Variants in CRACD observed in about 807,000 individuals in gnomAD.
CRACD encodes the protein capping protein-inhibiting regulator of actin dynamics.
CRACD carries 56 observed loss-of-function variants against 106.8 expected under a neutral mutation model. The ratio of observed to expected loss-of-function variants is 0.52; its 90% CI spans 0.42 to 0.66. The LOEUF is 0.66. Ranked by LOEUF, CRACD falls within the 30% of genes least tolerant of loss-of-function variation. CRACD has a pLI of 0.00. For synonymous variants in CRACD, 754 were observed against 670.8 expected, an observed-to-expected ratio of 1.12 and a Z score of -1.92; for missense variants, 1,730 against 1,623.2, an observed-to-expected ratio of 1.07 and a Z score of -1.13.
chr4:56,160,004 C>T (rs1577701334), intron 1 of CRACD, among the ~76,000 whole-genome samples: 1 of 151,892 alleles, frequency 6.6e-6, no homozygotes, highest in African/African-American at 2.4e-5. Context: ...TGGTCTTGAA[C>T]TCCCAACCTC....
intron 2 of CRACD, among the ~76,000 whole-genome samples, chr4:56,211,152 G>T (rs1012098896): frequency 2.6e-5 from 4 of 152,176 alleles, no homozygotes; most frequent in African/African-American, 9.7e-5. Flanking sequence ...ATGACCTTTA[G>T]TAAGATTTTG....
chr4:56,080,085 A>G (rs1413357190), intron 1 of CRACD, among the ~76,000 whole-genome samples: 1 of 152,206 alleles, frequency 6.6e-6, no homozygotes, highest in African/African-American at 2.4e-5. Context: ...GCTTATGTCC[A>G]TAATCCCAAC....
intron 1 of CRACD, among the ~76,000 whole-genome samples, chr4:56,093,468 A>G (rs1427911810): frequency 6.6e-6 from 1 of 152,188 alleles, no homozygotes; most frequent in African/African-American, 2.4e-5. Context: ...CCGTTTTACA[A>G]ATAGAGATGT....
chr4:56,113,069 T>A (rs1468124989), intron 1 of CRACD, among the ~76,000 whole-genome samples: 1 of 152,238 alleles, frequency 6.6e-6, no homozygotes, highest in Admixed American at 6.5e-5. Context: ...ACCACTGTAC[T>A]GAGGTCAGTG....
Position 56,307,654 on chromosome 4 carries a change from A to G in CRACD, c.240A>G (p.Glu80=). The G allele has an allele frequency of 6.2e-7, 1 of 1,614,188 alleles. No individual in the cohort carries two copies. Among genetic ancestry groups the G allele is most frequent in the South Asian group, 1.1e-5 (1 of 91,076 alleles). The part of the protein sequence containing the change: ...EEDLFLTSPM[E]IVTQQDIVLS... ...ATCTGTTCCTGACCAGTCCCATGGAAATTGTGACTCAGCAGGACATCGTCC... is the reference window on the plus strand; with the variant it reads ...ATCTGTTCCTGACCAGTCCCATGGAGATTGTGACTCAGCAGGACATCGTCC... The change falls in exon 5 of 11, where the codon GAA becomes GAG. Residue 80 remains glutamate, a synonymous_variant. Transcript: ENST00000682029.
intron 1 of CRACD, among the ~76,000 whole-genome samples, chr4:56,097,843 T>C (rs1449460957): frequency 4.6e-5 from 7 of 152,162 alleles, no homozygotes; most frequent in Non-Finnish European, 2.9e-5. Context: ...TTCAGAGAAG[T>C]AGCATTTTCA....
Position 56,314,834 on chromosome 4 carries a change from C to T in CRACD, c.1332C>T (p.His444=), listed in dbSNP as rs1326677575. ...TGAAACCCGAAGGACAAAGAGAACA[C>T]TCCGAGGAGCCAGGTATTTGCGAGG... ...ERLKPEGQRE[H]SEEPGICEEQ... is the part of the protein sequence containing the mutation. Residue 444 remains histidine, a synonymous_variant, in exon 8 of 11, where the codon CAC becomes CAT. Transcript: ENST00000682029. The surrounding 1 kb of genome is among the most constrained non-coding windows in gnomAD (Gnocchi z 4.4). 1.2e-6 allele frequency: 2 copies of T among 1,611,144 alleles called. No individual in the cohort carries two copies. Among genetic ancestry groups the T allele is most frequent in the Admixed American group, 1.7e-5 (1 of 59,586 alleles).
At chr4:56,175,855 C>G (rs1421067624) in intron 1 of CRACD, among the ~76,000 whole-genome samples, 1 of 152,162 alleles carries the variant, frequency 6.6e-6, no homozygotes, top group South Asian at 2.1e-4. Flanking sequence ...ATAACTTTGT[C>G]CAGGCCAATG....
At chr4:56,192,612 T>C (rs565696139) in intron 2 of CRACD, among the ~76,000 whole-genome samples, 3 of 151,930 alleles carry the variant, frequency 2.0e-5, no homozygotes, top group African/African-American at 4.8e-5. Flanking sequence ...GACCAAGAGA[T>C]AGAAAAAGGA....
chr4:56,116,505 C>G (rs1207447213), intron 1 of CRACD, among the ~76,000 whole-genome samples: 3 of 152,160 alleles, frequency 2.0e-5, no homozygotes, highest in South Asian at 2.1e-4. Context: ...ATAGAGGGAT[C>G]TGTGCTTCAT....
chr4:56,067,725 G>A (rs917734903), intron 1 of CRACD, among the ~76,000 whole-genome samples: 4 of 152,056 alleles, frequency 2.6e-5, no homozygotes, highest in South Asian at 2.1e-4. Flanking sequence ...ACAGGAGTGC[G>A]CCACCATGTC....
chr4:56,307,390 A>G, intron 4 of CRACD, 145 bp from the exon 5 acceptor site: 2 of 641,510 alleles, frequency 3.1e-6, no homozygotes. Context: ...GGATGGCATC[A>G]TGGTTTCCTG....
rs748479419 is a variant in CRACD, at chr4:56,316,539, C to G, written c.3037C>G (p.Arg1013Gly). The G allele has an allele frequency of 6.2e-7, 1 of 1,613,242 alleles. No homozygotes were observed. The highest frequency in any genetic ancestry group is 8.5e-7 in the Non-Finnish European group (1 of 1,179,678). ...CAAGGAGGACCAGGAGAGCAGTGAC[C>G]GCCGGCCACCCTCGCCCCCAGGCCC... is the stretch of plus-strand genomic sequence containing the variant. The part of the protein sequence containing the change: ...PSKEDQESSD[R>G]RPPSPPGPEE... The change falls in exon 8 of 11, where the codon CGC becomes GGC. Residue 1013 changes from arginine (R) to glycine (G), a missense_variant. This residue lies in a region of CRACD where 1,620 missense variants were observed against 1,481.6 expected (regional missense o/e 1.09). Coordinates refer to ENST00000682029, the MANE Select transcript of CRACD (RefSeq NM_001393381.1).
At chr4:56,152,690 ACC>A (rs1735623622) in intron 1 of CRACD, among the ~76,000 whole-genome samples, 1 of 152,044 alleles carries the variant, frequency 6.6e-6, no homozygotes, top group African/African-American at 2.4e-5. Context: ...ACAGAGTGAG[ACC>A]CTGTCTCAAA....
intron 1 of CRACD, among the ~76,000 whole-genome samples, chr4:56,132,842 C>T (rs1734871260): frequency 6.6e-6 from 1 of 152,148 alleles, no homozygotes; most frequent in Non-Finnish European, 1.5e-5. Flanking sequence ...TTTCTCCCCT[C>T]CCGTTCTCAT....
intron 2 of CRACD, among the ~76,000 whole-genome samples, chr4:56,263,219 A>T (rs1240493185): frequency 3.3e-5 from 5 of 152,116 alleles, no homozygotes; most frequent in Non-Finnish European, 4.4e-5. Flanking sequence ...GTTTGCGGGG[A>T]GTGGTTAGGA....
chr4:56,189,137 A>C (rs114359101), intron 2 of CRACD, among the ~76,000 whole-genome samples: 156 of 152,108 alleles, frequency 1.0e-3, no homozygotes, highest in African/African-American at 3.6e-3. Context: ...GAGCTAAGAT[A>C]ATGCCATTAC....
intron 1 of CRACD, among the ~76,000 whole-genome samples, chr4:56,114,735 C>T (rs892412152): frequency 6.6e-6 from 1 of 152,018 alleles, no homozygotes; most frequent in Non-Finnish European, 1.5e-5. Context: ...TATCAGAGTG[C>T]ATCTCATTTG....
chr4:56,309,007 A>G, intron 5 of CRACD: 3 of 678,394 alleles, frequency 4.4e-6, no homozygotes, highest in Non-Finnish European at 7.0e-6. Flanking sequence ...CCCTAATGAG[A>G]GGGTGTAACA....
Sources: gnomAD v4.1 joint callset for allele counts (sites outside exome capture counted in the v4.1 genomes callset) on GRCh38, gnomAD v4.1.1 for gene constraint, gnomAD v4.1.1 regional missense constraint, Gnocchi (gnomAD v3.1) non-coding constraint, MANE v1.5 for transcripts, NCBI Gene and HGNC (gene_info 2026-07-23, HGNC 2026-07-21) for gene names.